The following NUP133 variants were observed in gnomAD, a reference collection of about 807,000 sequenced individuals.
NUP133 encodes the protein nucleoporin 133.
Under a neutral mutation model 146.2 loss-of-function variants are expected in NUP133, and 66 were observed. The ratio of observed to expected loss-of-function variants is 0.45; its 90% CI spans 0.37 to 0.55. The LOEUF (loss-of-function observed/expected upper bound fraction) is 0.55, where lower values mean the gene tolerates loss of function less well. Ranked by LOEUF, NUP133 falls within the 20% of genes least tolerant of loss-of-function variation. The pLI, the probability that NUP133 is intolerant of heterozygous loss-of-function variation, is 0.00. For synonymous variants in NUP133, 521 were observed against 498.8 expected, an observed-to-expected ratio of 1.04 and a Z score of -0.59; for missense variants, 1,277 against 1,374.8, an observed-to-expected ratio of 0.93 and a Z score of 1.12.
chr1:229,467,445 G>A (rs1454997130), intron 15 of NUP133, among the ~76,000 whole-genome samples: 1 of 152,126 alleles, frequency 6.6e-6, no homozygotes, highest in African/African-American at 2.4e-5. Context: ...CTGGCTGAAG[G>A]AACAAGTTAT....
chr1:229,501,598 A>G (rs1487761987), intron 3 of NUP133, among the ~76,000 whole-genome samples: 2 of 152,254 alleles, frequency 1.3e-5, no homozygotes, highest in African/African-American at 4.8e-5. Flanking sequence ...AACTGGTATC[A>G]TATTTTCTTA....
intron 8 of NUP133, among the ~76,000 whole-genome samples, chr1:229,490,378 T>C (rs1661476569): frequency 7.4e-6 from 1 of 135,714 alleles, no homozygotes; most frequent in Non-Finnish European, 1.6e-5. Context: ...GGTATATCCA[T>C]ACAAAAGAAC....
At chr1:229,443,417 T>C (rs1392264091) in intron 25 of NUP133, among the ~76,000 whole-genome samples, 1 of 152,324 alleles carries the variant, frequency 6.6e-6, no homozygotes, top group Non-Finnish European at 1.5e-5. Context: ...CTCCATTTAA[T>C]GAGACATGCA....
Position 229,486,548 on chromosome 1 carries a change from A to T in NUP133, c.1343-20T>A. 6.3e-7 allele frequency: 1 copy of T among 1,593,330 alleles called. No homozygotes were observed. The highest frequency in any genetic ancestry group is 1.2e-5 in the South Asian group (1 of 86,624). ...TATCTCCTAAAAGAAAGGAAAACAG[A>T]GTCAAATACATCTAACAATAACAAC... On this transcript the variant is annotated intron_variant, in intron 10 of 25. Transcript: ENST00000261396.
intron 25 of NUP133, 149 bp downstream of exon 25, chr1:229,444,765 T>C (rs2102744276): frequency 1.9e-6 from 1 of 525,398 alleles, no homozygotes; most frequent in Non-Finnish European, 3.4e-6. Flanking sequence ...AAGAATTGCT[T>C]GAACCCGGGA....
intron 2 of NUP133, among the ~76,000 whole-genome samples, chr1:229,505,150 CT>C (rs1458649602): frequency 1.3e-5 from 2 of 152,180 alleles, no homozygotes; most frequent in Admixed American, 6.5e-5. Flanking sequence ...TTGGACACCC[CT>C]GAGACTATCC....
intron 24 of NUP133, among the ~76,000 whole-genome samples, chr1:229,446,170 G>A (rs1660296874): frequency 6.6e-6 from 1 of 152,150 alleles, no homozygotes; most frequent in Non-Finnish European, 1.5e-5. Flanking sequence ...ACTTTGGGAG[G>A]CCGAGGCAGA....
rs1660194449 is a variant in NUP133 at position 229,442,006 on chromosome 1, T to C, written c.3369A>G (p.Lys1123=). ...IQLSEYLPEV[K]DLLQADQLGS... Reference sequence around the variant, plus strand: ...CAAGCTGATCCGCTTGTAGCAGGTCTTTCACCTCCGGTAAGTACTCACTGA... The same window carrying C: ...CAAGCTGATCCGCTTGTAGCAGGTCCTTCACCTCCGGTAAGTACTCACTGA... The change falls in exon 26 of 26, where the codon AAA becomes AAG. Residue 1123 remains lysine (K), a synonymous_variant. Transcript: ENST00000261396. 1.3e-6 allele frequency: 2 copies of C among 1,582,750 alleles called. No homozygotes were observed. Among genetic ancestry groups the C allele is most frequent in the African/African-American group, 1.4e-5 (1 of 72,734 alleles).
In NUP133 at chr1:229,486,546, A is replaced by G. The variant is rs754511934; in HGVS notation, c.1343-18T>C. ...ACTATCTCCTAAAAGAAAGGAAAAC[A>G]GAGTCAAATACATCTAACAATAACA... On this transcript the variant is annotated intron_variant, in intron 10 of 25. Coordinates refer to ENST00000261396, the MANE Select transcript of NUP133 (RefSeq NM_018230.3). 6.3e-7 allele frequency: 1 copy of G among 1,596,236 alleles called. No individual in the cohort carries two copies. The highest frequency in any genetic ancestry group is 1.1e-5 in the South Asian group (1 of 87,046).
intron 22 of NUP133, 98 bp from the exon 23 acceptor site, chr1:229,450,703 T>C (rs927701142): frequency 2.3e-5 from 13 of 557,792 alleles, no homozygotes; most frequent in Non-Finnish European, 4.0e-5. Flanking sequence ...TGTAAGGAAG[T>C]TGTAGTTTGT....
chr1:229,505,939 T>G, intron 2 of NUP133, 101 bp downstream of exon 2: 1 of 677,728 alleles, frequency 1.5e-6, no homozygotes, highest in Non-Finnish European at 2.6e-6. Flanking sequence ...TCTCACCATT[T>G]ACGTAAAGGT....
chr1:229,470,621 T>C lies in NUP133; in HGVS notation c.2035A>G (p.Ile679Val). ...LIALNKREYE[I>V]PSNLTPADVF... is the part of the protein sequence containing the mutation. The stretch of plus-strand genomic sequence containing the variant: ...TCTGCAGGAGTCAGGTTGGATGGGA[T>C]TTCATACTCCCTCTTGTTCAAAGCA... The change falls in exon 15 of 26, where the codon ATC becomes GTC. Residue 679 changes from isoleucine to valine, a missense_variant. Physicochemically the swap from Ile to Val is conservative, Grantham distance 29. Transcript: ENST00000261396. 2 of 1,614,156 alleles carry C rather than the reference T, an allele frequency of 1.2e-6. No individual in the cohort carries two copies. The highest frequency in any genetic ancestry group is 1.7e-6 in the Non-Finnish European group (2 of 1,180,032).
chr1:229,489,077 G>A (rs1164278266), intron 9 of NUP133, among the ~76,000 whole-genome samples: 1 of 152,112 alleles, frequency 6.6e-6, no homozygotes, highest in African/African-American at 2.4e-5. Context: ...GTAAAAAGGA[G>A]GATTTTTCTA....
rs1264844730 is a variant in NUP133 at position 229,498,616 on chromosome 1, C to T, written c.649-310G>A. ...ATTAAAAATACAAAAATTAGCTGGG[C>T]GTGGCGGTGCGCACCTGTAATCCCA... is the stretch of plus-strand genomic sequence containing the variant. On this transcript the variant is annotated intron_variant, in intron 5 of 25. Coordinates refer to ENST00000261396, the MANE Select transcript of NUP133 (RefSeq NM_018230.3). Among the ~76,000 whole-genome samples the T allele has an allele frequency of 3.9e-5, 6 of 152,038 alleles. No individual in the cohort carries two copies. In the East Asian group the frequency reaches 5.8e-4, roughly 15 times the overall value.
chr1:229,449,506 T>C (rs984669290), intron 23 of NUP133, among the ~76,000 whole-genome samples: 2 of 151,906 alleles, frequency 1.3e-5, no homozygotes, highest in Admixed American at 6.6e-5. Context: ...TAGCTGGGAT[T>C]ATAGGCACAC....
At position 229,506,836 on chromosome 1, in the gene NUP133, A is replaced by AC. The variant is rs939739824; in HGVS notation, c.183-679_183-678insG. 1.3e-3 allele frequency among the ~76,000 whole-genome samples: 202 copies of AC among 151,560 alleles called. 4 individuals carry two copies. The highest frequency in any genetic ancestry group is 1.6e-4 in the Non-Finnish European group (11 of 67,836). On this transcript the variant is annotated intron_variant, in intron 1 of 25. Coordinates refer to ENST00000261396, the MANE Select transcript of NUP133 (RefSeq NM_018230.3). ...CCTGTCTCTTTAAAAAAAAAAAAAAAAAAACTATCAGATCTGTACAACCAA... is the reference window on the plus strand; with the variant it reads ...CCTGTCTCTTTAAAAAAAAAAAAAAACAAAACTATCAGATCTGTACAACCAA...
intron 8 of NUP133, among the ~76,000 whole-genome samples, chr1:229,493,459 C>A (rs535252040): frequency 6.6e-6 from 1 of 152,164 alleles, no homozygotes; most frequent in Non-Finnish European, 1.5e-5. Context: ...GGATTATATG[C>A]GTGAGCCACC....
chr1:229,504,040 C>A (rs971298403), intron 2 of NUP133, among the ~76,000 whole-genome samples: 1 of 151,986 alleles, frequency 6.6e-6, no homozygotes, highest in Non-Finnish European at 1.5e-5. Context: ...TAGTAGTTGT[C>A]TGAAAACAAC....
At chr1:229,470,848 A>ATTTT in intron 14 of NUP133, 44 bp from the exon 15 acceptor site, 2 of 1,561,734 alleles carry the variant, frequency 1.3e-6, no homozygotes, top group Non-Finnish European at 1.8e-6. Flanking sequence ...CAATTATGGT[A>ATTTT]ACATGCAAAA....
Sources: allele counts gnomAD v4.1 joint callset (sites outside exome capture counted in the v4.1 genomes callset), GRCh38; gene constraint gnomAD v4.1.1; transcripts MANE v1.5; gene names NCBI Gene and HGNC (gene_info 2026-07-23, HGNC 2026-07-21).